Variants in ADGRA3 observed in about 807,000 individuals in gnomAD.
The protein encoded by ADGRA3 is G-protein coupled receptor 125.
ADGRA3 carries 56 observed loss-of-function variants against 119.8 expected under a neutral mutation model. The ratio of observed to expected loss-of-function variants is 0.47; its 90% CI spans 0.38 to 0.58. The LOEUF (loss-of-function observed/expected upper bound fraction) is 0.58. ADGRA3 is among the 20% of genes least tolerant of loss of function. The pLI, the probability that ADGRA3 is intolerant of heterozygous loss-of-function variation, is 0.00. For synonymous variants in ADGRA3, 607 were observed against 623.8 expected, an observed-to-expected ratio of 0.97 and a Z score of 0.40; for missense variants, 1,516 against 1,649.0, an observed-to-expected ratio of 0.92 and a Z score of 1.40.
In ADGRA3 at chr4:22,515,906, G is replaced by C. The variant is rs1335318978; in HGVS notation, c.-122C>G. On this transcript the variant is annotated 5_prime_UTR_variant, in exon 1 of 19. Coordinates refer to ENST00000334304, the MANE Select transcript of ADGRA3 (RefSeq NM_145290.4). ...CGACCGGAGCCTTATGGCGGCCGGA[G>C]GACGGGCCTTCCCCGGCGCGGACAT... is the stretch of plus-strand genomic sequence containing the variant. The C allele has an allele frequency of 1.7e-6, 1 of 593,034 alleles. No individual in the cohort carries two copies. The allele number at this position is 593,034 out of a possible 1,614,324, so 36.7% of individuals were successfully genotyped here. A position where few individuals can be genotyped will look rare whatever the true frequency, so the allele number is the denominator to read the frequency against.
At chr4:22,402,309 T>C (rs1030858450) in intron 15 of ADGRA3, among the ~76,000 whole-genome samples, 8 of 152,000 alleles carry the variant, frequency 5.3e-5, no homozygotes, top group African/African-American at 1.9e-4. Context: ...ATAAGAGTAA[T>C]AGTACAGTCT....
At chr4:22,389,693 A>C (rs1714029063) in intron 17 of ADGRA3, among the ~76,000 whole-genome samples, 1 of 152,104 alleles carries the variant, frequency 6.6e-6, no homozygotes, top group South Asian at 2.1e-4. Flanking sequence ...TAAGGAAGGT[A>C]TCTGGATCCC....
intron 8 of ADGRA3, among the ~76,000 whole-genome samples, chr4:22,437,325 G>T (rs1330900681): frequency 6.6e-6 from 1 of 152,116 alleles, no homozygotes; most frequent in African/African-American, 2.4e-5. Context: ...CTGAGATAAA[G>T]ATGTTATTAT....
rs188451276 is a variant in ADGRA3, at chr4:22,504,974, C to A, written c.257+10554G>T. Among the ~76,000 whole-genome samples the A allele has an allele frequency of 1.4e-3, 207 of 152,240 alleles. 1 individual carries two copies. The highest frequency in any genetic ancestry group is 2.1e-3 in the Non-Finnish European group (141 of 68,018). On this transcript the variant is annotated intron_variant, in intron 1 of 18. Transcript: ENST00000334304. The stretch of plus-strand genomic sequence containing the variant: ...TCAAACGCAAGGTTGAAAACCTCAA[C>A]CGCAAACTGACCAACCAGGTTACAG...
rs186805636 is a variant in ADGRA3, at chr4:22,416,204, G to A, written c.1810-2390C>T. ...GAATATACCTTCTTCCACCTGGCCC[G>A]AGGGTGGCAAGCACAAAGTTTGTAA... On this transcript the variant is annotated intron_variant, in intron 12 of 18. Coordinates refer to ENST00000334304, the MANE Select transcript of ADGRA3 (RefSeq NM_145290.4). Among the ~76,000 whole-genome samples the A allele has an allele frequency of 1.2e-4, 18 of 152,188 alleles. No homozygotes were observed. In the East Asian group the frequency reaches 2.9e-3, roughly 24 times the overall value.
intron 1 of ADGRA3, among the ~76,000 whole-genome samples, chr4:22,494,612 C>T (rs1046580560): frequency 1.3e-5 from 2 of 151,934 alleles, no homozygotes; most frequent in African/African-American, 4.9e-5. Context: ...AAGAAAACTA[C>T]TACACATATT....
chr4:22,479,784 G>A (rs111775525), intron 1 of ADGRA3, among the ~76,000 whole-genome samples: 12,459 of 152,100 alleles, frequency 0.082, 571 homozygotes, highest in Non-Finnish European at 0.092. Flanking sequence ...AGAAAATGTG[G>A]CACATGTACA....
rs142615298 is a variant in ADGRA3, at chr4:22,454,536, T to A, written c.473+330A>T. On this transcript the variant is annotated intron_variant, in intron 4 of 18. Transcript: ENST00000334304. ...AAATCTTCTGGGCCATCAGCTCACA[T>A]TTTACTATTTCCTAGAAATTTTCCC... Among the ~76,000 whole-genome samples the A allele has an allele frequency of 2.3e-3, 352 of 152,290 alleles. 1 individual carries two copies. The highest frequency in any genetic ancestry group is 7.9e-3 in the African/African-American group (328 of 41,562).
At chr4:22,510,009 CA>C (rs545010218) in intron 1 of ADGRA3, among the ~76,000 whole-genome samples, 1,864 of 98,860 alleles carry the variant, frequency 0.019, 20 homozygotes, top group East Asian at 0.084. Flanking sequence ...GACTCCGTCT[CA>C]AAAAAAAAAA....
At chr4:22,476,811 TG>T (rs972866614) in intron 1 of ADGRA3, among the ~76,000 whole-genome samples, 2 of 149,938 alleles carry the variant, frequency 1.3e-5, no homozygotes, top group African/African-American at 4.9e-5. Flanking sequence ...GGAGTATAAG[TG>T]CCCACCACCA....
At chr4:22,507,386 T>C (rs922419254) in intron 1 of ADGRA3, among the ~76,000 whole-genome samples, 29 of 152,362 alleles carry the variant, frequency 1.9e-4, no homozygotes, top group African/African-American at 6.7e-4. Context: ...AGTAAACTAC[T>C]GCTTCCTGAG....
In ADGRA3 at chr4:22,402,668, T is replaced by G. The variant is rs770033566; in HGVS notation, c.2357+7A>C. 1 of 1,609,986 alleles carries G rather than the reference T, an allele frequency of 6.2e-7. No homozygotes were observed. The highest frequency in any genetic ancestry group is 8.5e-7 in the Non-Finnish European group (1 of 1,178,826). ...GCAGATCTATTTTGTCGAGATGTAT[T>G]TCTTACCTGTGATGGTATATGTAAC... is the stretch of plus-strand genomic sequence containing the variant. On this transcript the variant is annotated splice_region_variant and intron_variant, in intron 15 of 18. Transcript: ENST00000334304.
chr4:22,442,628 C>CAAA, intron 7 of ADGRA3, 22 bp downstream of exon 7: 41 of 1,360,776 alleles, frequency 3.0e-5, no homozygotes, highest in Non-Finnish European at 3.5e-5. Flanking sequence ...ATTCTTCATT[C>CAAA]AAAAAAAAAA....
chr4:22,449,879 C>A (rs1313572491), intron 4 of ADGRA3, among the ~76,000 whole-genome samples: 1 of 151,626 alleles, frequency 6.6e-6, no homozygotes, highest in Non-Finnish European at 1.5e-5. Flanking sequence ...CATCTTACAG[C>A]AACCACTAGG....
intron 16 of ADGRA3, among the ~76,000 whole-genome samples, chr4:22,396,292 A>C (rs1280094186): frequency 6.6e-6 from 1 of 152,188 alleles, no homozygotes; most frequent in Non-Finnish European, 1.5e-5. Context: ...TAGCACCTTT[A>C]ATAACTTCAA....
intron 14 of ADGRA3, among the ~76,000 whole-genome samples, chr4:22,404,392 TC>T (rs1422767317): frequency 2.6e-5 from 4 of 152,152 alleles, no homozygotes; most frequent in African/African-American, 9.7e-5. Flanking sequence ...AAAGATGGTA[TC>T]AGGATGCCTA....
chr4:22,397,639 C>A lies in ADGRA3; in HGVS notation c.2481+3792G>T, dbSNP rs868140933. On this transcript the variant is annotated intron_variant, in intron 16 of 18. Transcript: ENST00000334304. ...AATTCCTATCTGTCATGGGAGGGAC[C>A]CAGTGGGAGGTAACTGAATCATGAG... is the stretch of plus-strand genomic sequence containing the variant. 7.9e-5 allele frequency among the ~76,000 whole-genome samples: 12 copies of A among 152,098 alleles called. No individual in the cohort carries two copies. In the Middle Eastern group the frequency reaches 0.014, roughly 172 times the overall value.
intron 6 of ADGRA3, among the ~76,000 whole-genome samples, chr4:22,443,890 G>C (rs753232085): frequency 2.4e-4 from 37 of 151,834 alleles, no homozygotes; most frequent in Admixed American, 7.9e-4. Context: ...TTTTACTTGT[G>C]ATACAACAAT....
intron 1 of ADGRA3, among the ~76,000 whole-genome samples, chr4:22,501,391 C>A (rs1445731371): frequency 6.6e-6 from 1 of 151,964 alleles, no homozygotes; most frequent in Non-Finnish European, 1.5e-5. Context: ...CAGCAACATC[C>A]CAACAAAAAA....
Sources: allele counts gnomAD v4.1 joint callset (sites outside exome capture counted in the v4.1 genomes callset), GRCh38; gene constraint gnomAD v4.1.1; transcripts MANE v1.5; gene names NCBI Gene and HGNC (gene_info 2026-07-23, HGNC 2026-07-21).